The following NMNAT2 variants were observed in gnomAD, a reference collection of about 807,000 sequenced individuals.
NMNAT2 encodes the protein nicotinamide/nicotinic acid mononucleotide adenylyltransferase 2.
Under a neutral mutation model 41.6 loss-of-function variants are expected in NMNAT2, and 11 were observed. That is an observed-to-expected ratio of 0.26 (90% CI 0.17 to 0.44). The LOEUF (loss-of-function observed/expected upper bound fraction) is 0.44. NMNAT2 is among the 20% of genes least tolerant of loss of function. The pLI is 1.00. For synonymous variants in NMNAT2, 148 were observed against 151.2 expected (o/e 0.98, Z 0.16); for missense variants, 288 against 407.7 (o/e 0.71, Z 2.53).
chr1:183,314,894 CAACA>C (rs1389513573), intron 1 of NMNAT2, among the ~76,000 whole-genome samples: 3 of 152,144 alleles, frequency 2.0e-5, no homozygotes, highest in South Asian at 2.1e-4. Flanking sequence ...ACAAACCAAC[CAACA>C]AACAAACAAC....
intron 4 of NMNAT2, 47 bp from the exon 5 acceptor site, chr1:183,286,835 C>T (rs201010692): frequency 1.3e-5 from 21 of 1,575,830 alleles, no homozygotes; most frequent in East Asian, 9.1e-5. Flanking sequence ...CTTTGAGAAT[C>T]GTTTCAAAGT....
rs910611586 is a variant in NMNAT2, at chr1:183,248,744, T to G, written c.*3897A>C. 6.6e-6 allele frequency: 1 copy of G among 152,236 alleles called. No individual in the cohort carries two copies. The highest frequency in any genetic ancestry group is 1.5e-5 in the Non-Finnish European group (1 of 68,044). The allele number at this position is 152,236 out of a possible 1,614,324, so 9.4% of individuals were successfully genotyped here. A position where few individuals can be genotyped will look rare whatever the true frequency, so the allele number is the denominator to read the frequency against. ...GCTACAAAATCGGTCCCTGTTTCCA[T>G]TCTTCCCATCTCACCTGTTGGCCCT... On this transcript the variant is annotated 3_prime_UTR_variant, in exon 11 of 11. Coordinates refer to ENST00000287713, the MANE Select transcript of NMNAT2 (RefSeq NM_015039.4).
At position 183,251,910 on chromosome 1, in the gene NMNAT2, C is replaced by T. The variant is rs202019954; in HGVS notation, c.*731G>A. On this transcript the variant is annotated 3_prime_UTR_variant, in exon 11 of 11. Coordinates refer to ENST00000287713, the MANE Select transcript of NMNAT2 (RefSeq NM_015039.4). Reference sequence around the variant, plus strand: ...CTATATGTGTGTGTGTATGTGCGTGCGCGGGTGCACACGCATGTGTGCGTG... The same window carrying T: ...CTATATGTGTGTGTGTATGTGCGTGTGCGGGTGCACACGCATGTGTGCGTG... The T allele has an allele frequency of 8.2e-4, 129 of 157,766 alleles. No homozygotes were observed. Among genetic ancestry groups the T allele is most frequent in the Admixed American group, 2.6e-3 (40 of 15,398 alleles). The allele number at this position is 157,766 out of a possible 1,614,324, so 9.8% of individuals were successfully genotyped here.
At chr1:183,267,015 T>A (rs550609668) in intron 8 of NMNAT2, 1 of 167,394 alleles carries the variant, frequency 6.0e-6, no homozygotes, top group Middle Eastern at 2.5e-3. Context: ...ATGGTAATCA[T>A]GACGGGGTAG....
At chr1:183,261,667 C>G (rs1025864380) in intron 8 of NMNAT2, among the ~76,000 whole-genome samples, 1 of 152,214 alleles carries the variant, frequency 6.6e-6, no homozygotes, top group Non-Finnish European at 1.5e-5. Flanking sequence ...TAAACACCCT[C>G]TGGAGTGAAA....
At chr1:183,305,559 T>C (rs1661974592) in intron 1 of NMNAT2, among the ~76,000 whole-genome samples, 1 of 152,208 alleles carries the variant, frequency 6.6e-6, no homozygotes, top group Non-Finnish European at 1.5e-5. Flanking sequence ...AGGAGATAGC[T>C]GTTTTTCCTG....
In NMNAT2 at chr1:183,376,192, T is replaced by C. The variant is rs535809131; in HGVS notation, c.85+41991A>G. ...AATATTAATGTACTGATATAATAAA[T>C]TAATGGTATTAATAATTAATATTCA... On this transcript the variant is annotated intron_variant, in intron 1 of 10. Coordinates refer to ENST00000287713, the MANE Select transcript of NMNAT2 (RefSeq NM_015039.4). 5.9e-5 allele frequency among the ~76,000 whole-genome samples: 9 copies of C among 152,320 alleles called. No homozygotes were observed. In the South Asian group the frequency reaches 1.7e-3, roughly 28 times the overall value.
intron 1 of NMNAT2, among the ~76,000 whole-genome samples, chr1:183,365,712 TG>T (rs761759298): frequency 6.6e-6 from 1 of 151,844 alleles, no homozygotes; most frequent in Non-Finnish European, 1.5e-5. Flanking sequence ...CACTACAGCC[TG>T]GGCAACAAGA....
intron 1 of NMNAT2, among the ~76,000 whole-genome samples, chr1:183,299,453 T>C (rs570884609): frequency 1.3e-5 from 2 of 152,206 alleles, no homozygotes; most frequent in Non-Finnish European, 2.9e-5. Context: ...AGTTCATTAT[T>C]CTGAGTGAAG....
At chr1:183,252,823 A>G in intron 10 of NMNAT2, 80 bp from the exon 11 acceptor site, 1 of 1,010,660 alleles carries the variant, frequency 9.9e-7, no homozygotes. Context: ...CTGTCTCCCC[A>G]GCACCCCATT....
intron 1 of NMNAT2, among the ~76,000 whole-genome samples, chr1:183,321,524 T>C (rs1372012696): frequency 6.6e-6 from 1 of 152,016 alleles, no homozygotes; most frequent in Non-Finnish European, 1.5e-5. Context: ...GTGGATCTAC[T>C]TGAGGTCAGG....
rs1660311686 is a variant in NMNAT2 at position 183,249,319 on chromosome 1, G to A, written c.*3322C>T. On this transcript the variant is annotated 3_prime_UTR_variant, in exon 11 of 11. Coordinates refer to ENST00000287713, the MANE Select transcript of NMNAT2 (RefSeq NM_015039.4). ...CCCAGAGGACCATTCCTTAAGGACA[G>A]AGTTATTGACAAAAAGGGTTTTCCT... The A allele has an allele frequency of 1.3e-5, 2 of 152,178 alleles. No homozygotes were observed. Among genetic ancestry groups the A allele is most frequent in the African/African-American group, 4.8e-5 (2 of 41,442 alleles). The allele number at this position is 152,178 out of a possible 1,614,324, so 9.4% of individuals were successfully genotyped here. A position where few individuals can be genotyped will look rare whatever the true frequency, so the allele number is the denominator to read the frequency against.
chr1:183,350,422 A>G (rs575200541), intron 1 of NMNAT2, among the ~76,000 whole-genome samples: 14 of 152,334 alleles, frequency 9.2e-5, no homozygotes, highest in African/African-American at 3.4e-4. Flanking sequence ...GGGAAAGAAA[A>G]CAGAAAGAAA....
intron 8 of NMNAT2, among the ~76,000 whole-genome samples, chr1:183,271,718 T>C (rs1360693996): frequency 3.9e-5 from 6 of 152,204 alleles, no homozygotes; most frequent in Non-Finnish European, 4.4e-5. Context: ...TGTTGAAAGA[T>C]TGATTGAAGA....
rs777783848 is a variant in NMNAT2 at position 183,259,606 on chromosome 1, T to TTGTG, written c.821+1392_821+1395dup. Among the ~76,000 whole-genome samples the TTGTG allele has an allele frequency of 2.1e-3, 312 of 151,744 alleles. 6 individuals carry two copies. In the East Asian group the frequency reaches 0.051, roughly 25 times the overall value. ...GAGCTTGTCCACACCTATAATTTTT[T>TTGTG]TGTGTGTGTGTGTGATGGGGTCTCA... On this transcript the variant is annotated intron_variant, in intron 10 of 10. Transcript: ENST00000287713.
intron 1 of NMNAT2, among the ~76,000 whole-genome samples, chr1:183,403,451 CA>C (rs1367752896): frequency 8.3e-4 from 118 of 141,500 alleles, no homozygotes; most frequent in Non-Finnish European, 1.2e-3. Flanking sequence ...CCCCCCCCCC[CA>C]AAAAAAATGG....
In NMNAT2 at chr1:183,286,723, T is replaced by C. The variant is rs1661408704; in HGVS notation, c.387A>G (p.Pro129=). Residue 129 remains proline, a synonymous_variant, in exon 5 of 11, where the codon CCA becomes CCG. Coordinates refer to ENST00000287713, the MANE Select transcript of NMNAT2 (RefSeq NM_015039.4). ...TPSMTPVIGQ[P]QNETPQPIYQ... ...AAATGGGCTGGGGGGTCTCGTTTTG[T>C]GGCTGTCCGATCACAGGTGTCATGG... 6.2e-7 allele frequency: 1 copy of C among 1,612,582 alleles called. No homozygotes were observed. Among genetic ancestry groups the C allele is most frequent in the African/African-American group, 1.3e-5 (1 of 75,026 alleles).
At chr1:183,394,266 G>A (rs1368212205) in intron 1 of NMNAT2, among the ~76,000 whole-genome samples, 1 of 152,166 alleles carries the variant, frequency 6.6e-6, no homozygotes, top group Admixed American at 6.5e-5. Flanking sequence ...AGGAAATGGG[G>A]GTGATAATAA....
chr1:183,404,088 C>G (rs1189832209), intron 1 of NMNAT2, among the ~76,000 whole-genome samples: 1 of 148,554 alleles, frequency 6.7e-6, no homozygotes, highest in Non-Finnish European at 1.5e-5. Flanking sequence ...AGGCAAAAGC[C>G]CAGAAATGTA....
Sources: gnomAD v4.1 joint callset for allele counts (sites outside exome capture counted in the v4.1 genomes callset) on GRCh38, gnomAD v4.1.1 for gene constraint, MANE v1.5 for transcripts, NCBI Gene and HGNC (gene_info 2026-07-23, HGNC 2026-07-21) for gene names.